Variants in ZNF525 observed in about 807,000 individuals in gnomAD.
ZNF525 encodes zinc finger protein 525.
A neutral mutation model predicts 37.6 loss-of-function variants in ZNF525; 33 were observed. The ratio of observed to expected loss-of-function variants is 0.88; its 90% CI spans 0.67 to 1.17. The LOEUF (loss-of-function observed/expected upper bound fraction) is 1.17. ZNF525 is among the 50% of genes most tolerant of loss of function. The pLI is 0.00. For missense variants in ZNF525, 449 were observed against 543.1 expected (o/e 0.83, Z 1.72); for synonymous variants, 170 against 182.3 (o/e 0.93, Z 0.54).
chr19:53,376,103 C>T (rs1298510009), intron 3 of ZNF525: 1 of 1,154,932 alleles, frequency 8.7e-7, no homozygotes, highest in South Asian at 1.3e-5. Flanking sequence ...TGCCACCATG[C>T]CAGGATACTT....
chr19:53,370,149 G>A (rs991536531), intron 1 of ZNF525, among the ~76,000 whole-genome samples: 4 of 151,154 alleles, frequency 2.6e-5, no homozygotes, highest in Middle Eastern at 3.4e-3. Context: ...AGCTGGGTGC[G>A]GTGGCCCACG....
chr19:53,366,803 G>T (rs1276480993), intron 1 of ZNF525, among the ~76,000 whole-genome samples: 1 of 148,386 alleles, frequency 6.7e-6, no homozygotes, highest in Non-Finnish European at 1.5e-5. Flanking sequence ...GGGACAGGGG[G>T]TATAACAGAG....
At chr19:53,369,935 A>G (rs1452706978) in intron 1 of ZNF525, among the ~76,000 whole-genome samples, 8 of 146,716 alleles carry the variant, frequency 5.5e-5, no homozygotes, top group Non-Finnish European at 1.2e-4. Context: ...CGTGTTAGCC[A>G]GGATGGTCTC....
Position 53,376,397 on chromosome 19 carries a change from A to C in ZNF525, c.142+501A>C, listed in dbSNP as rs557045695. 9.1e-5 allele frequency: 62 copies of C among 679,126 alleles called. No homozygotes were observed. The African/African-American group carries it at 1.0e-3, about 11-fold the overall frequency. The allele number at this position is 679,126 out of a possible 1,614,324, so 42.1% of individuals were successfully genotyped here. A position where few individuals can be genotyped will look rare whatever the true frequency, so the allele number is the denominator to read the frequency against. ...TTTGCATTTGAAATATTACTGATGC[A>C]GAAGACCTTACCATTGCCTTTTTGT... On this transcript the variant is annotated intron_variant, in intron 3 of 3. Coordinates refer to ENST00000474037, the MANE Select transcript of ZNF525 (RefSeq NM_001348156.2).
chr19:53,380,032 A>C (rs1489530582), intron 3 of ZNF525, among the ~76,000 whole-genome samples: 15 of 152,258 alleles, frequency 9.9e-5, no homozygotes, highest in Middle Eastern at 3.4e-3. Context: ...AAAAATTTTA[A>C]ATGTTACAAT....
intron 3 of ZNF525, among the ~76,000 whole-genome samples, chr19:53,377,453 G>A (rs1013302371): frequency 6.6e-6 from 1 of 151,640 alleles, no homozygotes; most frequent in Admixed American, 6.6e-5. Flanking sequence ...TGGAATTACA[G>A]GTTTGAAAAA....
chr19:53,378,628 G>A (rs1568760110), intron 3 of ZNF525, among the ~76,000 whole-genome samples: 2 of 152,176 alleles, frequency 1.3e-5, no homozygotes, highest in Non-Finnish European at 2.9e-5. Context: ...CAAGAGCAAG[G>A]TGCCAGCCAC....
Position 53,383,381 on chromosome 19 carries a change from T to C in ZNF525, c.*1362T>C, listed in dbSNP as rs2085582091. ...ACGTTGCACGTCATCATAGAATTCATACTGGAGAGAAACCTTAGAAATGTG... is the reference window on the plus strand; with the variant it reads ...ACGTTGCACGTCATCATAGAATTCACACTGGAGAGAAACCTTAGAAATGTG... On this transcript the variant is annotated 3_prime_UTR_variant, in exon 4 of 4. Coordinates refer to ENST00000474037, the MANE Select transcript of ZNF525 (RefSeq NM_001348156.2). 2 of 1,157,462 alleles carry C rather than the reference T, an allele frequency of 1.7e-6. No homozygotes were observed. The highest frequency in any genetic ancestry group is 2.5e-6 in the Non-Finnish European group (2 of 804,500). 71.7% of individuals were successfully genotyped at this position (1,157,462 alleles called of 1,614,324 possible). A position where few individuals can be genotyped will look rare whatever the true frequency, so the allele number is the denominator to read the frequency against.
intron 2 of ZNF525, among the ~76,000 whole-genome samples, chr19:53,374,768 C>A (rs1246470677): frequency 6.6e-6 from 1 of 151,976 alleles, no homozygotes; most frequent in African/African-American, 2.4e-5. Flanking sequence ...AAATGACAAC[C>A]CTTTGTATTA....
chr19:53,384,405 C>A lies in ZNF525; in HGVS notation c.*2386C>A, dbSNP rs371525376. ...TCTAGATTACATTGGGTTATATAAT[C>A]ATTTAACATATTAATTTTTCCAAAC... On this transcript the variant is annotated 3_prime_UTR_variant, in exon 4 of 4. Coordinates refer to ENST00000474037, the MANE Select transcript of ZNF525 (RefSeq NM_001348156.2). 85 of 157,838 alleles carry A rather than the reference C, an allele frequency of 5.4e-4. No homozygotes were observed. In the South Asian group the frequency reaches 0.016, roughly 30 times the overall value. 9.8% of individuals were successfully genotyped at this position (157,838 alleles called of 1,614,324 possible).
Position 53,369,689 on chromosome 19 carries a change from G to A in ZNF525, c.-67-2526G>A, listed in dbSNP as rs986367194. Among the ~76,000 whole-genome samples the A allele has an allele frequency of 3.5e-5, 5 of 144,004 alleles. 1 individual carries two copies. Among genetic ancestry groups the A allele is most frequent in the Non-Finnish European group, 3.0e-5 (2 of 66,426 alleles). The allele number at this position is 144,004 out of a possible 152,430, so 94.5% of individuals were successfully genotyped here. On this transcript the variant is annotated intron_variant, in intron 1 of 3. Coordinates refer to ENST00000474037, the MANE Select transcript of ZNF525 (RefSeq NM_001348156.2). ...AAGAATTAAACGTCGGGAACCAAAG[G>A]CAACAGAACCTTGCAAAAGAAGTTT...
At chr19:53,375,641 C>T (rs998216324) in intron 2 of ZNF525, 129 bp from the exon 3 acceptor site, 5 of 1,599,770 alleles carry the variant, frequency 3.1e-6, no homozygotes, top group East Asian at 2.2e-5. Flanking sequence ...AGTGAAAAAC[C>T]CCTTACTCGG....
chr19:53,377,093 T>G (rs749278719), intron 3 of ZNF525, among the ~76,000 whole-genome samples: 4 of 152,258 alleles, frequency 2.6e-5, no homozygotes, highest in Admixed American at 6.5e-5. Context: ...TTTTTCATGC[T>G]TTTTTCTTCT....
At chr19:53,378,765 A>G (rs35227898) in intron 3 of ZNF525, among the ~76,000 whole-genome samples, 2,430 of 152,272 alleles carry the variant, frequency 0.016, 29 homozygotes, top group Non-Finnish European at 0.024. Flanking sequence ...CACAAGTCCT[A>G]TTCACGAGTA....
chr19:53,370,413 CAA>C (rs202164037), intron 1 of ZNF525, among the ~76,000 whole-genome samples: 87,506 of 117,982 alleles, frequency 0.74, 32,424 homozygotes, highest in Admixed American at 0.82. Context: ...GACTCCATGT[CAA>C]AAAAAAAAAA....
chr19:53,367,356 CT>C (rs2085455857), intron 1 of ZNF525, among the ~76,000 whole-genome samples: 1 of 151,690 alleles, frequency 6.6e-6, no homozygotes, highest in Admixed American at 6.6e-5. Context: ...CCCTTAGATG[CT>C]TTTTATTATC....
chr19:53,375,062 A>G (rs923043406), intron 2 of ZNF525, among the ~76,000 whole-genome samples: 8 of 150,356 alleles, frequency 5.3e-5, no homozygotes, highest in Non-Finnish European at 1.2e-4. Context: ...TTTGAGATGG[A>G]GTCTCTGTTG....
intron 1 of ZNF525, among the ~76,000 whole-genome samples, chr19:53,367,140 T>G (rs965334125): frequency 6.6e-6 from 1 of 152,108 alleles, no homozygotes; most frequent in African/African-American, 2.4e-5. Flanking sequence ...TGTCCTTTTT[T>G]TTTCCTTCAC....
At chr19:53,368,448 A>G (rs1399902883) in intron 1 of ZNF525, among the ~76,000 whole-genome samples, 1 of 152,194 alleles carries the variant, frequency 6.6e-6, no homozygotes, top group Non-Finnish European at 1.5e-5. Flanking sequence ...AGTTTTTAAG[A>G]GCTAGGGGCT....
Sources: allele counts gnomAD v4.1 joint callset (sites outside exome capture counted in the v4.1 genomes callset), GRCh38; gene constraint gnomAD v4.1.1; transcripts MANE v1.5; gene names NCBI Gene and HGNC (gene_info 2026-07-23, HGNC 2026-07-21).